Variants in TBC1D22A observed in about 807,000 individuals in gnomAD.
The protein encoded by TBC1D22A is putative GTPase activator.
Under a neutral mutation model 60.2 loss-of-function variants are expected in TBC1D22A, and 38 were observed. The ratio of observed to expected loss-of-function variants is 0.63; its 90% CI spans 0.49 to 0.83. The LOEUF (loss-of-function observed/expected upper bound fraction) is 0.83, where lower values mean the gene tolerates loss of function less well. TBC1D22A is among the 40% of genes least tolerant of loss of function. The pLI, the probability that TBC1D22A is intolerant of heterozygous loss-of-function variation, is 0.00. For synonymous variants in TBC1D22A, 302 were observed against 281.7 expected (o/e 1.07, Z -0.72); for missense variants, 628 against 701.0 (o/e 0.90, Z 1.18).
At chr22:46,809,979 T>C in intron 4 of TBC1D22A, among the ~76,000 whole-genome samples, 1 of 152,352 alleles carries the variant, frequency 6.6e-6, no homozygotes, top group Non-Finnish European at 1.5e-5. Context: ...GAAAATGATC[T>C]TTACTTAAAA....
intron 12 of TBC1D22A, among the ~76,000 whole-genome samples, chr22:47,113,770 C>T (rs1008993751): frequency 3.3e-5 from 5 of 152,150 alleles, no homozygotes; most frequent in African/African-American, 9.7e-5. Context: ...GTTGTGAATA[C>T]GTGCAGAAGT....
At chr22:47,085,181 G>T (rs1310519768) in intron 11 of TBC1D22A, among the ~76,000 whole-genome samples, 2 of 152,132 alleles carry the variant, frequency 1.3e-5, no homozygotes, top group African/African-American at 4.8e-5. Flanking sequence ...CACAGAGGCT[G>T]AGGCATGAGA....
intron 12 of TBC1D22A, among the ~76,000 whole-genome samples, chr22:47,169,033 G>A (rs928822629): frequency 2.0e-5 from 3 of 152,236 alleles, no homozygotes; most frequent in Non-Finnish European, 2.9e-5. Flanking sequence ...CCCGCCCGGG[G>A]CAGGAGTGAG....
chr22:47,106,378 CAAA>C (rs2065632698), intron 11 of TBC1D22A, among the ~76,000 whole-genome samples: 1 of 152,122 alleles, frequency 6.6e-6, no homozygotes, highest in Non-Finnish European at 1.5e-5. Context: ...ACATCCAAGA[CAAA>C]GAAGTTATTC....
chr22:46,992,539 G>A (rs1250604094), intron 9 of TBC1D22A, among the ~76,000 whole-genome samples: 1 of 152,250 alleles, frequency 6.6e-6, no homozygotes, highest in Non-Finnish European at 1.5e-5. Flanking sequence ...ACCGGCCGGG[G>A]ACCGGCCTTG....
intron 11 of TBC1D22A, among the ~76,000 whole-genome samples, chr22:47,105,823 CAGG>C (rs1416786499): frequency 1.3e-5 from 2 of 151,454 alleles, no homozygotes; most frequent in African/African-American, 4.9e-5. Flanking sequence ...AGCATAATGA[CAGG>C]AGAAGTCACT....
At chr22:47,063,852 T>G (rs150286500) in intron 11 of TBC1D22A, among the ~76,000 whole-genome samples, 1 of 152,360 alleles carries the variant, frequency 6.6e-6, no homozygotes, top group African/African-American at 2.4e-5. Flanking sequence ...TCTTTGCCTC[T>G]GTCGCTACGT....
At chr22:46,973,526 G>A (rs2074163922) in intron 8 of TBC1D22A, among the ~76,000 whole-genome samples, 1 of 152,160 alleles carries the variant, frequency 6.6e-6, no homozygotes, top group South Asian at 2.1e-4. Context: ...CTTAAAGAAC[G>A]TTTTCCTTGC....
At chr22:46,975,489 C>T (rs1390641727) in intron 9 of TBC1D22A, among the ~76,000 whole-genome samples, 3 of 152,146 alleles carry the variant, frequency 2.0e-5, no homozygotes. Flanking sequence ...AGATGGCTCT[C>T]TGCTGAGAGC....
At chr22:47,146,646 G>A (rs777097052) in intron 12 of TBC1D22A, among the ~76,000 whole-genome samples, 1 of 152,202 alleles carries the variant, frequency 6.6e-6, no homozygotes, top group Non-Finnish European at 1.5e-5. Context: ...GATTTAGACT[G>A]TGTTACAGGA....
At chr22:47,073,808 G>A (rs1242244305) in intron 11 of TBC1D22A, among the ~76,000 whole-genome samples, 2 of 152,176 alleles carry the variant, frequency 1.3e-5, no homozygotes, top group Non-Finnish European at 2.9e-5. Flanking sequence ...CCCCATGGGA[G>A]CTTTCTAAAA....
intron 8 of TBC1D22A, among the ~76,000 whole-genome samples, chr22:46,959,250 G>A (rs1214114511): frequency 6.6e-6 from 1 of 152,198 alleles, no homozygotes; most frequent in Non-Finnish European, 1.5e-5. Context: ...AGGAGTCTGT[G>A]GTATGGGGCT....
chr22:46,840,827 T>C (rs1056634689), intron 4 of TBC1D22A, among the ~76,000 whole-genome samples: 4 of 152,014 alleles, frequency 2.6e-5, no homozygotes, highest in East Asian at 1.9e-4. Context: ...TAAATTGATA[T>C]AGCCTTTATG....
At chr22:46,881,123 C>T (rs1012997831) in intron 5 of TBC1D22A, among the ~76,000 whole-genome samples, 2 of 152,066 alleles carry the variant, frequency 1.3e-5, no homozygotes, top group African/African-American at 4.8e-5. Flanking sequence ...AGGTGACAGC[C>T]GCCCTACTGC....
At chr22:47,018,895 C>G (rs2148330742) in intron 10 of TBC1D22A, among the ~76,000 whole-genome samples, 1 of 152,352 alleles carries the variant, frequency 6.6e-6, no homozygotes, top group South Asian at 2.1e-4. Context: ...CATACTTAAG[C>G]AGTTCTCCTT....
chr22:46,959,749 G>C (rs781213167), intron 8 of TBC1D22A, among the ~76,000 whole-genome samples: 1 of 152,152 alleles, frequency 6.6e-6, no homozygotes, highest in Non-Finnish European at 1.5e-5. Context: ...CCTGGCACCC[G>C]TCAGTTCACT....
At chr22:46,798,887 G>A (rs1292156077) in intron 4 of TBC1D22A, among the ~76,000 whole-genome samples, 1 of 152,234 alleles carries the variant, frequency 6.6e-6, no homozygotes, top group Non-Finnish European at 1.5e-5. Context: ...CCCAGGGCAG[G>A]GAGAGGGTTT....
Position 47,093,912 on chromosome 22 carries a change from C to T in TBC1D22A, c.1330-17596C>T, listed in dbSNP as rs188610458. ...CCAATCCCCAAGACAACAATTATTC[C>T]CAAGGAAGAAGGCTTTAATTGGGTG... is the stretch of plus-strand genomic sequence containing the variant. On this transcript the variant is annotated intron_variant, in intron 11 of 12. Transcript: ENST00000337137. 3.0e-3 allele frequency among the ~76,000 whole-genome samples: 451 copies of T among 152,276 alleles called. 2 individuals carry two copies. The highest frequency in any genetic ancestry group is 1.0e-2 in the African/African-American group (415 of 41,552).
chr22:47,051,912 C>G (rs1370221551), intron 11 of TBC1D22A, among the ~76,000 whole-genome samples: 2 of 152,272 alleles, frequency 1.3e-5, no homozygotes, highest in Non-Finnish European at 2.9e-5. Flanking sequence ...AAGGCGGTCA[C>G]TGTGCGGAGG....
Sources: allele counts gnomAD v4.1 joint callset (sites outside exome capture counted in the v4.1 genomes callset), GRCh38; gene constraint gnomAD v4.1.1; transcripts MANE v1.5; gene names NCBI Gene and HGNC (gene_info 2026-07-23, HGNC 2026-07-21).